The following FRMD4A variants were observed in gnomAD, a reference collection of about 807,000 sequenced individuals.
FRMD4A encodes the protein FERM domain containing 4A.
In FRMD4A, 29 loss-of-function variants were observed where a neutral mutation model predicts 129.1. That is an observed-to-expected ratio of 0.22 (90% CI 0.17 to 0.31). The LOEUF is 0.31. Among genes scored for constraint, FRMD4A ranks in the 10% least tolerant of loss-of-function variants. The pLI, the probability that FRMD4A is intolerant of heterozygous loss-of-function variation, is 1.00. For missense variants in FRMD4A, 1,272 were observed against 1,375.8 expected, an observed-to-expected ratio of 0.92 and a Z score of 1.19; for synonymous variants, 634 against 571.6, an observed-to-expected ratio of 1.11 and a Z score of -1.56.
chr10:14,147,215 A>G (rs184949946), intron 2 of FRMD4A, among the ~76,000 whole-genome samples: 22 of 152,286 alleles, frequency 1.4e-4, no homozygotes, highest in Admixed American at 1.4e-3. Context: ...GTGAGAGTCT[A>G]AAGGTCAGGG....
intron 15 of FRMD4A, among the ~76,000 whole-genome samples, chr10:13,688,542 A>T (rs553215020): frequency 1.3e-5 from 2 of 151,066 alleles, no homozygotes; most frequent in Non-Finnish European, 2.9e-5. Context: ...CTTAAAGTAT[A>T]ATAATAAAAA....
intron 2 of FRMD4A, among the ~76,000 whole-genome samples, chr10:14,146,629 C>T (rs1219619488): frequency 2.7e-5 from 4 of 147,500 alleles, no homozygotes; most frequent in African/African-American, 9.7e-5. Context: ...AACTGCCTGA[C>T]TTTTTACTTT....
chr10:14,110,586 G>C (rs1383227138), intron 2 of FRMD4A, among the ~76,000 whole-genome samples: 2 of 152,068 alleles, frequency 1.3e-5, no homozygotes, highest in African/African-American at 2.4e-5. Flanking sequence ...TCCAAAAAAT[G>C]GTCCATCTAG....
At chr10:14,038,251 C>A (rs4748081) in intron 2 of FRMD4A, among the ~76,000 whole-genome samples, 55,636 of 151,648 alleles carry the variant, frequency 0.37, 12,513 homozygotes, top group Non-Finnish European at 0.52. Flanking sequence ...TGAACCCGGG[C>A]GGCGGAGCTT....
chr10:14,127,504 T>C (rs1394017914), intron 2 of FRMD4A, among the ~76,000 whole-genome samples: 1 of 152,110 alleles, frequency 6.6e-6, no homozygotes, highest in Non-Finnish European at 1.5e-5. Context: ...AAGGGAGCAT[T>C]GAATAAGATG....
chr10:13,880,413 A>G (rs1310699170), intron 2 of FRMD4A, among the ~76,000 whole-genome samples: 1 of 152,202 alleles, frequency 6.6e-6, no homozygotes, highest in African/African-American at 2.4e-5. Flanking sequence ...CGTCATCATC[A>G]TCATTGTCAT....
intron 2 of FRMD4A, among the ~76,000 whole-genome samples, chr10:13,931,826 A>G (rs901564774): frequency 6.6e-6 from 1 of 151,010 alleles, no homozygotes; most frequent in Non-Finnish European, 1.5e-5. Flanking sequence ...GTGTGTGCCT[A>G]TAATCCCAGG....
chr10:14,057,479 G>A (rs1834591250), intron 2 of FRMD4A, among the ~76,000 whole-genome samples: 1 of 152,138 alleles, frequency 6.6e-6, no homozygotes, highest in Non-Finnish European at 1.5e-5. Context: ...CAAGGAAAAG[G>A]CAACATGAGT....
chr10:13,921,626 G>A (rs1340570827), intron 2 of FRMD4A, among the ~76,000 whole-genome samples: 2 of 152,092 alleles, frequency 1.3e-5, no homozygotes, highest in Non-Finnish European at 2.9e-5. Flanking sequence ...ATAACCTAAT[G>A]GCCTGTCAAA....
At chr10:14,063,721 G>A (rs992034643) in intron 2 of FRMD4A, among the ~76,000 whole-genome samples, 4 of 151,938 alleles carry the variant, frequency 2.6e-5, no homozygotes, top group East Asian at 1.9e-4. Context: ...GGGGATCACC[G>A]TTTTAAACCA....
At chr10:13,866,380 A>G (rs1416536951) in intron 2 of FRMD4A, 1 of 480,630 alleles carries the variant, frequency 2.1e-6, no homozygotes, top group Admixed American at 6.4e-5. Flanking sequence ...TGTGTGGCTC[A>G]GAAGGAAATT....
intron 2 of FRMD4A, among the ~76,000 whole-genome samples, chr10:14,223,591 A>G (rs1843333293): frequency 6.6e-6 from 1 of 152,128 alleles, no homozygotes; most frequent in African/African-American, 2.4e-5. Flanking sequence ...ATATCAAAAA[A>G]TTAGCCAGGC....
intron 2 of FRMD4A, among the ~76,000 whole-genome samples, chr10:14,237,382 G>C (rs1280422106): frequency 6.6e-6 from 1 of 152,152 alleles, no homozygotes; most frequent in African/African-American, 2.4e-5. Context: ...CCAGGCTGGA[G>C]TGCAATGGCA....
At chr10:13,862,665 T>A (rs1238440844) in intron 2 of FRMD4A, among the ~76,000 whole-genome samples, 5 of 152,228 alleles carry the variant, frequency 3.3e-5, no homozygotes, top group Non-Finnish European at 5.9e-5. Context: ...AGACTCACCT[T>A]TGAATCATCA....
In FRMD4A at chr10:13,791,773, T is replaced by C. The variant is rs563775256; in HGVS notation, c.299+4723A>G. On this transcript the variant is annotated intron_variant, in intron 5 of 24. Coordinates refer to ENST00000357447, the MANE Select transcript of FRMD4A (RefSeq NM_018027.5). Reference sequence around the variant, plus strand: ...GAGGAGCAGTGAGCAGGCTGCTGCATGCTACAGCTGGGATGATGGTGGATT... The same window carrying C: ...GAGGAGCAGTGAGCAGGCTGCTGCACGCTACAGCTGGGATGATGGTGGATT... 7.2e-5 allele frequency among the ~76,000 whole-genome samples: 11 copies of C among 152,248 alleles called. 1 individual carries two copies. The South Asian group carries it at 2.1e-3, about 29-fold the overall frequency.
intron 3 of FRMD4A, among the ~76,000 whole-genome samples, chr10:13,857,004 G>GCTAATTAAC (rs1471846907): frequency 1.3e-5 from 2 of 152,108 alleles, no homozygotes; most frequent in African/African-American, 4.8e-5. Flanking sequence ...TAACGATTCT[G>GCTAATTAAC]CTAATTAACG....
chr10:14,098,610 G>A (rs182642446), intron 2 of FRMD4A, among the ~76,000 whole-genome samples: 2 of 152,086 alleles, frequency 1.3e-5, no homozygotes, highest in East Asian at 1.9e-4. Context: ...TGGTTTCAGC[G>A]TGTTGGCCAG....
At chr10:14,004,194 A>G (rs1304345384) in intron 2 of FRMD4A, among the ~76,000 whole-genome samples, 3 of 152,216 alleles carry the variant, frequency 2.0e-5, no homozygotes, top group Admixed American at 6.5e-5. Flanking sequence ...GCCCTAAAGG[A>G]TCTCCCCAGG....
rs547199098 is a variant in FRMD4A at position 13,699,678 on chromosome 10, C to T, written c.975+1662G>A. ...GGGAACTGGCAGTGGGGTTCAGGAG[C>T]ATTGCCCAATCCCCTAACCCCCACC... is the stretch of plus-strand genomic sequence containing the variant. On this transcript the variant is annotated intron_variant, in intron 14 of 24. Transcript: ENST00000357447. Among the ~76,000 whole-genome samples the T allele has an allele frequency of 9.9e-4, 151 of 152,254 alleles. 1 individual carries two copies. The highest frequency in any genetic ancestry group is 3.1e-3 in the African/African-American group (127 of 41,546).
Sources: gnomAD v4.1 joint callset for allele counts (sites outside exome capture counted in the v4.1 genomes callset) on GRCh38, gnomAD v4.1.1 for gene constraint, MANE v1.5 for transcripts, NCBI Gene and HGNC (gene_info 2026-07-23, HGNC 2026-07-21) for gene names.